The following PARVB variants were observed in gnomAD, a reference collection of about 807,000 sequenced individuals.
PARVB encodes parvin beta, also known as beta-parvin.
A neutral mutation model predicts 47.0 loss-of-function variants in PARVB; 46 were observed. The ratio of observed to expected loss-of-function variants is 0.98; its 90% CI spans 0.77 to 1.25. The LOEUF (loss-of-function observed/expected upper bound fraction) is 1.25, where lower values mean the gene tolerates loss of function less well. Ranked by LOEUF, PARVB falls within the 50% of genes most tolerant of loss-of-function variation. The pLI is 0.00. For synonymous variants in PARVB, 196 were observed against 196.3 expected, an observed-to-expected ratio of 1.00 and a Z score of 0.01; for missense variants, 473 against 471.6, an observed-to-expected ratio of 1.00 and a Z score of -0.03.
intron 1 of PARVB, among the ~76,000 whole-genome samples, chr22:44,025,444 A>G (rs775692423): frequency 6.6e-6 from 1 of 152,076 alleles, no homozygotes; most frequent in Non-Finnish European, 1.5e-5. Flanking sequence ...GCCTCTAGGC[A>G]TGTGTGTGCC....
intron 2 of PARVB, among the ~76,000 whole-genome samples, chr22:44,095,426 C>T (rs1415908601): frequency 6.6e-6 from 1 of 151,982 alleles, no homozygotes; most frequent in African/African-American, 2.4e-5. Flanking sequence ...ATCGCTTGAA[C>T]CCGGGATTGG....
At chr22:44,059,195 G>A (rs1316662810) in intron 1 of PARVB, among the ~76,000 whole-genome samples, 4 of 151,898 alleles carry the variant, frequency 2.6e-5, no homozygotes, top group Admixed American at 6.6e-5. Context: ...ACAGACATCC[G>A]CCACCACACC....
intron 1 of PARVB, among the ~76,000 whole-genome samples, chr22:44,051,267 G>T (rs1052447603): frequency 1.3e-5 from 2 of 152,196 alleles, no homozygotes; most frequent in Non-Finnish European, 2.9e-5. Context: ...CAATTCTTAC[G>T]AAGAGAGAAG....
At chr22:44,146,499 C>A in intron 8 of PARVB, 1 of 152,554 alleles carries the variant, frequency 6.6e-6, no homozygotes. Context: ...CTCACCACCT[C>A]CACAAGGCCA....
At chr22:44,066,384 A>G (rs1017736121) in intron 1 of PARVB, among the ~76,000 whole-genome samples, 9 of 152,206 alleles carry the variant, frequency 5.9e-5, no homozygotes, top group Non-Finnish European at 1.0e-4. Context: ...GGTTATATTG[A>G]AAAGGATATG....
upstream of PARVB, among the ~76,000 whole-genome samples, chr22:44,020,378 T>G (rs1025058843): frequency 6.6e-6 from 1 of 152,150 alleles, no homozygotes; most frequent in Admixed American, 6.5e-5. Context: ...CTTGCCATAT[T>G]GCCCAGGCTG....
At chr22:44,165,312 A>G (rs1331429774) in intron 12 of PARVB, among the ~76,000 whole-genome samples, 3 of 152,172 alleles carry the variant, frequency 2.0e-5, no homozygotes, top group Admixed American at 6.5e-5. Context: ...CCACTAGAAC[A>G]GAAGCCTCAA....
At chr22:44,123,694 C>T (rs1376085879) in intron 4 of PARVB, among the ~76,000 whole-genome samples, 3 of 152,062 alleles carry the variant, frequency 2.0e-5, no homozygotes, top group Non-Finnish European at 2.9e-5. Context: ...GGTTTACAGG[C>T]ATGAGCCACT....
upstream of PARVB, among the ~76,000 whole-genome samples, chr22:44,023,854 C>G (rs1455738538): frequency 1.3e-5 from 2 of 152,254 alleles, no homozygotes; most frequent in Non-Finnish European, 2.9e-5. Flanking sequence ...GCCCTCCATC[C>G]TCTAAGCTTC....
intron 2 of PARVB, among the ~76,000 whole-genome samples, chr22:44,097,512 G>A (rs2052336433): frequency 3.3e-5 from 5 of 152,356 alleles, no homozygotes; most frequent in Middle Eastern, 6.8e-3. Context: ...CTGACTGTGA[G>A]CTCTGGAGCC....
chr22:44,116,974 A>G (rs2052920894), intron 3 of PARVB, among the ~76,000 whole-genome samples: 1 of 152,134 alleles, frequency 6.6e-6, no homozygotes, highest in African/African-American at 2.4e-5. Context: ...GAACTGGTTA[A>G]GAAGTGGACA....
intron 1 of PARVB, among the ~76,000 whole-genome samples, chr22:44,038,967 A>T (rs2146911902): frequency 6.6e-6 from 1 of 152,332 alleles, no homozygotes; most frequent in East Asian, 1.9e-4. Flanking sequence ...TTGAACAGAC[A>T]CGTCACCAAA....
chr22:44,140,498 A>G (rs1432412314), intron 8 of PARVB: 1 of 599,174 alleles, frequency 1.7e-6, no homozygotes, highest in Admixed American at 1.9e-5. Context: ...CAGCACATGG[A>G]GCGTCGTTAG....
chr22:44,056,486 G>C (rs1416433694), intron 1 of PARVB, among the ~76,000 whole-genome samples: 2 of 152,064 alleles, frequency 1.3e-5, no homozygotes, highest in African/African-American at 4.8e-5. Flanking sequence ...TGTTGTTGTT[G>C]TTTTGTTTTC....
intron 1 of PARVB, among the ~76,000 whole-genome samples, chr22:44,063,541 CTTA>C (rs1189508174): frequency 6.6e-6 from 1 of 152,068 alleles, no homozygotes; most frequent in Non-Finnish European, 1.5e-5. Context: ...ATGAATATTT[CTTA>C]TTATTTTACA....
At chr22:44,083,901 A>G (rs2051965722) in intron 1 of PARVB, among the ~76,000 whole-genome samples, 1 of 152,212 alleles carries the variant, frequency 6.6e-6, no homozygotes. Flanking sequence ...CAAAGGACAG[A>G]AAACCCAACT....
chr22:44,024,876 G>C (rs974269309), intron 1 of PARVB, among the ~76,000 whole-genome samples: 4 of 152,234 alleles, frequency 2.6e-5, no homozygotes, highest in African/African-American at 9.6e-5. Flanking sequence ...ACTGGGTGTT[G>C]CGCGGGCGCC....
chr22:44,033,724 G>T (rs2401520), intron 1 of PARVB, among the ~76,000 whole-genome samples: 117,470 of 152,182 alleles, frequency 0.77, 46,139 homozygotes, highest in East Asian at 0.93. Flanking sequence ...ATTATTATAC[G>T]TGTTTTCATT....
At chr22:44,140,918 C>T (rs1420939797) in intron 8 of PARVB, 2 of 192,446 alleles carry the variant, frequency 1.0e-5, no homozygotes, top group African/African-American at 4.5e-5. Context: ...CCAGGATACC[C>T]CGGCCCTCGG....
Sources: allele counts gnomAD v4.1 joint callset (sites outside exome capture counted in the v4.1 genomes callset), GRCh38; gene constraint gnomAD v4.1.1; transcripts MANE v1.5; gene names NCBI Gene and HGNC (gene_info 2026-07-23, HGNC 2026-07-21).